The following LRBA variants were observed in gnomAD, a reference collection of about 807,000 sequenced individuals.
LRBA encodes LPS responsive beige-like anchor protein, also known as lipopolysaccharide-responsive and beige-like anchor protein.
LRBA carries 176 observed loss-of-function variants against 330.0 expected under a neutral mutation model. The ratio of observed to expected loss-of-function variants is 0.53; its 90% confidence interval spans 0.47 to 0.60. LRBA has a LOEUF of 0.60. Among genes scored for constraint, LRBA ranks in the 20% least tolerant of loss-of-function variants. LRBA has a pLI of 0.00. For missense variants in LRBA, 3,259 were observed against 3,444.8 expected (o/e 0.95, Z 1.35); for synonymous variants, 1,230 against 1,193.0 (o/e 1.03, Z -0.64).
chr4:150,816,874 C>T (rs1038636344), intron 31 of LRBA, among the ~76,000 whole-genome samples: 1 of 151,948 alleles, frequency 6.6e-6, no homozygotes, highest in African/African-American at 2.4e-5. Context: ...CATCCATGCA[C>T]TCATCTACCC....
At position 150,859,249 on chromosome 4, in the gene LRBA, C is replaced by T. The variant is rs572717679; in HGVS notation, c.2767-6306G>A. 5.3e-5 allele frequency among the ~76,000 whole-genome samples: 8 copies of T among 152,206 alleles called. No individual in the cohort carries two copies. In the South Asian group the frequency reaches 1.0e-3, roughly 20 times the overall value. On this transcript the variant is annotated intron_variant, in intron 22 of 56. Transcript: ENST00000651943. ...TGACTAATCTTTATTCATTTTAAGT[C>T]ATAAACCCATTCTAACTTATGGCAA...
At chr4:150,847,797 T>C (rs1417250864) in intron 26 of LRBA, among the ~76,000 whole-genome samples, 1 of 152,232 alleles carries the variant, frequency 6.6e-6, no homozygotes, top group Non-Finnish European at 1.5e-5. Flanking sequence ...ATTTCATGTA[T>C]TTTTACTTTT....
chr4:150,757,869 T>G (rs1265505032), intron 35 of LRBA, among the ~76,000 whole-genome samples: 1 of 152,202 alleles, frequency 6.6e-6, no homozygotes, highest in Non-Finnish European at 1.5e-5. Context: ...AGATAAAGGC[T>G]GAGTGTTCTC....
intron 40 of LRBA, chr4:150,584,363 A>G (rs1771815816): frequency 3.0e-6 from 1 of 332,674 alleles, no homozygotes; most frequent in South Asian, 1.2e-4. Context: ...AAAAGAAGCA[A>G]TCGGGCTCCG....
At chr4:150,815,420 G>A (rs1347517967) in intron 31 of LRBA, among the ~76,000 whole-genome samples, 2 of 151,490 alleles carry the variant, frequency 1.3e-5, no homozygotes, top group Admixed American at 6.6e-5. Context: ...AGAGTTTCAT[G>A]CCCATTTTCC....
intron 47 of LRBA, among the ~76,000 whole-genome samples, chr4:150,364,643 T>C (rs902289539): frequency 3.6e-4 from 55 of 152,226 alleles, no homozygotes; most frequent in African/African-American, 1.3e-3. Context: ...TGGTGTGCCA[T>C]GTTGATCTGG....
intron 47 of LRBA, among the ~76,000 whole-genome samples, chr4:150,362,285 T>C (rs1738824203): frequency 1.3e-5 from 2 of 152,180 alleles, no homozygotes; most frequent in Non-Finnish European, 2.9e-5. Context: ...ATAAGCCTCC[T>C]AAATATCTTC....
intron 40 of LRBA, among the ~76,000 whole-genome samples, chr4:150,571,343 T>C (rs1016379625): frequency 6.6e-6 from 1 of 152,084 alleles, no homozygotes; most frequent in Non-Finnish European, 1.5e-5. Context: ...AATCAATGAT[T>C]AATAAACAGA....
intron 44 of LRBA, among the ~76,000 whole-genome samples, chr4:150,464,259 CAT>C (rs2152055911): frequency 1.3e-5 from 2 of 152,126 alleles, no homozygotes; most frequent in South Asian, 4.2e-4. Context: ...AACACGTATT[CAT>C]ATATATGTCA....
chr4:150,659,102 C>G (rs1167021505), intron 37 of LRBA, among the ~76,000 whole-genome samples: 2 of 137,362 alleles, frequency 1.5e-5, no homozygotes, highest in African/African-American at 2.6e-5. Flanking sequence ...CTTGGCCTCC[C>G]AAAGTGCCGA....
intron 2 of LRBA, among the ~76,000 whole-genome samples, chr4:150,963,449 G>C (rs1172203446): frequency 6.7e-6 from 1 of 149,652 alleles, no homozygotes; most frequent in African/African-American, 2.6e-5. Context: ...GGCCTCCTGA[G>C]GTGCCGGGAT....
intron 17 of LRBA, among the ~76,000 whole-genome samples, chr4:150,879,105 G>A (rs1282624243): frequency 6.6e-6 from 1 of 152,018 alleles, no homozygotes; most frequent in Admixed American, 6.6e-5. Flanking sequence ...GATGAACACA[G>A]CTGCAAAAGT....
intron 47 of LRBA, among the ~76,000 whole-genome samples, chr4:150,354,192 A>T (rs1737525745): frequency 6.6e-6 from 1 of 152,156 alleles, no homozygotes; most frequent in Non-Finnish European, 1.5e-5. Flanking sequence ...TAAAAACATA[A>T]ATCATAAAAC....
chr4:150,770,505 T>A (rs577188193), intron 34 of LRBA, among the ~76,000 whole-genome samples: 1 of 151,888 alleles, frequency 6.6e-6, no homozygotes, highest in African/African-American at 2.4e-5. Flanking sequence ...GGTGTTGATA[T>A]TATAAACTCA....
Position 150,491,052 on chromosome 4 carries a change from T to A in LRBA, c.6331-17A>T, listed in dbSNP as rs753294281. The A allele has an allele frequency of 1.0e-5, 13 of 1,265,004 alleles. No homozygotes were observed. In the South Asian group the frequency reaches 1.9e-4, roughly 18 times the overall value. 78.4% of individuals were successfully genotyped at this position (1,265,004 alleles called of 1,614,324 possible). On this transcript the variant is annotated splice_polypyrimidine_tract_variant and intron_variant, in intron 40 of 56. Coordinates refer to ENST00000651943, the MANE Select transcript of LRBA (RefSeq NM_001364905.1). ...TGCCAAGATCTAATGAGGAAAAAAA[T>A]AATCCCAGGTAAGTAACAATACTTG...
chr4:150,677,304 A>T (rs1046666232), intron 37 of LRBA, among the ~76,000 whole-genome samples: 2 of 152,202 alleles, frequency 1.3e-5, no homozygotes, highest in Non-Finnish European at 2.9e-5. Context: ...GCCACAGAAG[A>T]TAGGAGGAAA....
chr4:150,484,234 G>A (rs769102648), intron 42 of LRBA, among the ~76,000 whole-genome samples: 2 of 151,876 alleles, frequency 1.3e-5, no homozygotes, highest in Non-Finnish European at 2.9e-5. Flanking sequence ...TTTTTTGCAA[G>A]AGTTTGTGTA....
chr4:150,582,800 T>C lies in LRBA; in HGVS notation c.6330+5248A>G, dbSNP rs921863884. ...TTTCTTTTTAGAAAATCACCTTTTC[T>C]CCCCTAATTCTTCTGCAGAAGAAAA... On this transcript the variant is annotated intron_variant, in intron 40 of 56. Transcript: ENST00000651943. The C allele has an allele frequency of 1.9e-5, 9 of 467,568 alleles. No individual in the cohort carries two copies. The East Asian group carries it at 2.9e-4, about 15-fold the overall frequency. 29.0% of individuals were successfully genotyped at this position (467,568 alleles called of 1,614,324 possible).
intron 44 of LRBA, among the ~76,000 whole-genome samples, chr4:150,458,950 C>T (rs1213776700): frequency 6.6e-6 from 1 of 151,916 alleles, no homozygotes; most frequent in African/African-American, 2.4e-5. Flanking sequence ...GAATGAGACA[C>T]TGAAGAGCTG....
Sources: allele counts gnomAD v4.1 joint callset (sites outside exome capture counted in the v4.1 genomes callset), GRCh38; gene constraint gnomAD v4.1.1; transcripts MANE v1.5; gene names NCBI Gene and HGNC (gene_info 2026-07-23, HGNC 2026-07-21).